MRAP2: variants seen among roughly 807,000 people sequenced by gnomAD.
The protein encoded by MRAP2 is melanocortin-2 receptor accessory protein 2.
A neutral mutation model predicts 17.4 loss-of-function variants in MRAP2; 20 were observed. That is an observed-to-expected ratio of 1.15 (90% CI 0.81 to 1.67). MRAP2 has a LOEUF of 1.67. Among genes scored for constraint, MRAP2 ranks in the 40% most tolerant of loss-of-function variants. The probability of loss-of-function intolerance (pLI) is 0.00; values close to 1 mark genes in which losing one functional copy is unlikely to be tolerated. For missense variants in MRAP2, 238 were observed against 240.0 expected (o/e 0.99, Z 0.05); for synonymous variants, 96 against 88.4 (o/e 1.09, Z -0.48).
At chr6:84,085,229 T>A (rs1340292121) in intron 3 of MRAP2, among the ~76,000 whole-genome samples, 2 of 152,024 alleles carry the variant, frequency 1.3e-5, no homozygotes, top group Non-Finnish European at 2.9e-5. Context: ...TAAGTTTTTG[T>A]ATTTTTAGTA....
intron 1 of MRAP2, among the ~76,000 whole-genome samples, chr6:84,043,462 C>T (rs1360324594): frequency 6.6e-6 from 1 of 152,196 alleles, no homozygotes; most frequent in Non-Finnish European, 1.5e-5. Context: ...AGACAGGAAT[C>T]TGGAAAGGAG....
the MRAP2 span, among the ~76,000 whole-genome samples, chr6:84,143,058 AT>A: frequency 1.3e-5 from 2 of 152,092 alleles, no homozygotes; most frequent in Non-Finnish European, 2.9e-5. Flanking sequence ...GTAAAAAAAA[AT>A]TAGTTACCCA....
At chr6:84,121,605 T>C in the MRAP2 span, among the ~76,000 whole-genome samples, 7 of 152,084 alleles carry the variant, frequency 4.6e-5, no homozygotes, top group Non-Finnish European at 1.0e-4. Context: ...GATTACACCA[T>C]AGCATTGTGG....
At chr6:84,037,816 C>G (rs182842202) in intron 1 of MRAP2, among the ~76,000 whole-genome samples, 1,889 of 152,198 alleles carry the variant, frequency 0.012, 46 homozygotes, top group African/African-American at 0.043. Flanking sequence ...TCCTGCCCCT[C>G]TCTCTCCCTC....
chr6:84,063,122 A>G lies in MRAP2; in HGVS notation c.227+130A>G, dbSNP rs552748927. ...GGGTGGTTATAGATTTGCTGTCTGG[A>G]CCCAGATGCCCGTGGATGGGATCCA... On this transcript the variant is annotated intron_variant, in intron 3 of 3. Transcript: ENST00000257776. 1.5e-5 allele frequency: 23 copies of G among 1,491,012 alleles called. No individual in the cohort carries two copies. The Admixed American group carries it at 5.1e-4, about 33-fold the overall frequency. 92.4% of individuals were successfully genotyped at this position (1,491,012 alleles called of 1,614,324 possible).
At chr6:84,094,234 G>C (rs140570253), downstream of MRAP2, among the ~76,000 whole-genome samples, 1,024 of 152,094 alleles carry the variant, frequency 6.7e-3, 14 homozygotes, top group African/African-American at 0.022. Context: ...TGTTTCTTTT[G>C]AGACAATAGC....
intron 1 of MRAP2, among the ~76,000 whole-genome samples, chr6:84,049,426 GA>G (rs1003623369): frequency 6.6e-6 from 1 of 151,366 alleles, no homozygotes; most frequent in African/African-American, 2.4e-5. Flanking sequence ...CTCCATCTCA[GA>G]AAAAAAACAC....
chr6:84,112,139 C>T, the MRAP2 span, among the ~76,000 whole-genome samples: 39 of 152,054 alleles, frequency 2.6e-4, no homozygotes, highest in Non-Finnish European at 4.9e-4. Context: ...GGGAGGAGTC[C>T]CCCTTTTTCT....
At chr6:84,132,502 T>A in the MRAP2 span, among the ~76,000 whole-genome samples, 1 of 152,218 alleles carries the variant, frequency 6.6e-6, no homozygotes, top group Non-Finnish European at 1.5e-5. Flanking sequence ...GATTTGGTCT[T>A]TTCACATAGT....
intron 1 of MRAP2, among the ~76,000 whole-genome samples, chr6:84,049,339 C>T (rs1012528119): frequency 1.3e-5 from 2 of 151,918 alleles, no homozygotes; most frequent in Admixed American, 6.6e-5. Context: ...GCAGGAGAAT[C>T]GCTTGAACCC....
At chr6:84,034,350 G>A (rs2099485383) in intron 1 of MRAP2, among the ~76,000 whole-genome samples, 1 of 152,178 alleles carries the variant, frequency 6.6e-6, no homozygotes, top group African/African-American at 2.4e-5. Flanking sequence ...TCCATGCACT[G>A]GGCAGGGTTC....
chr6:84,131,260 G>A, the MRAP2 span, among the ~76,000 whole-genome samples: 1 of 152,134 alleles, frequency 6.6e-6, no homozygotes, highest in Non-Finnish European at 1.5e-5. Context: ...TTGCTGAGGA[G>A]TGTTTTACTT....
intron 1 of MRAP2, among the ~76,000 whole-genome samples, chr6:84,041,273 C>T (rs190679643): frequency 2.0e-4 from 31 of 152,340 alleles, no homozygotes; most frequent in Middle Eastern, 3.4e-3. Flanking sequence ...GAACCTCCAC[C>T]TAGATTACAG....
chr6:84,044,686 A>T (rs2099488520), intron 1 of MRAP2, among the ~76,000 whole-genome samples: 1 of 152,236 alleles, frequency 6.6e-6, no homozygotes, highest in African/African-American at 2.4e-5. Flanking sequence ...TTCAGAATGA[A>T]TGAGGGCCTC....
At chr6:84,113,231 T>C in the MRAP2 span, among the ~76,000 whole-genome samples, 1 of 152,320 alleles carries the variant, frequency 6.6e-6, no homozygotes, top group East Asian at 1.9e-4. Flanking sequence ...TCTAAGTCTC[T>C]TTGTAGGTCT....
the MRAP2 span, among the ~76,000 whole-genome samples, chr6:84,129,550 T>C: frequency 1.3e-5 from 2 of 152,154 alleles, no homozygotes; most frequent in Non-Finnish European, 2.9e-5. Context: ...TTCTTGTAAA[T>C]TTGTTTAAGT....
chr6:84,078,388 A>T (rs1026533648), intron 3 of MRAP2, among the ~76,000 whole-genome samples: 1 of 152,230 alleles, frequency 6.6e-6, no homozygotes, highest in Non-Finnish European at 1.5e-5. Context: ...AGATGCTTAG[A>T]TGTTATTACA....
At chr6:84,140,289 T>C in the MRAP2 span, among the ~76,000 whole-genome samples, 1 of 152,094 alleles carries the variant, frequency 6.6e-6, no homozygotes, top group Non-Finnish European at 1.5e-5. Context: ...GGGAGAGTCC[T>C]ATCCCAGCAG....
chr6:84,143,294 A>ACGCCTGTAATCCCAGCACTTTGGG, the MRAP2 span, among the ~76,000 whole-genome samples: 1 of 152,056 alleles, frequency 6.6e-6, no homozygotes, highest in East Asian at 1.9e-4. Context: ...ATGCTTCTAG[A>ACGCCTGTAATCCCAGCACTTTGGG]AGTCATGAAA....
Sources: gnomAD v4.1 joint callset for allele counts (sites outside exome capture counted in the v4.1 genomes callset) on GRCh38, gnomAD v4.1.1 for gene constraint, MANE v1.5 for transcripts, NCBI Gene and HGNC (gene_info 2026-07-23, HGNC 2026-07-21) for gene names.